The following BICD1 variants were observed in gnomAD, a reference collection of about 807,000 sequenced individuals.
BICD1 encodes the protein BICD cargo adaptor 1.
In BICD1, 35 loss-of-function variants were observed where a neutral mutation model predicts 92.5. The ratio of observed to expected loss-of-function variants is 0.38; its 90% confidence interval spans 0.29 to 0.50. The LOEUF (loss-of-function observed/expected upper bound fraction) is 0.50, where lower values mean the gene tolerates loss of function less well. Among genes scored for constraint, BICD1 ranks in the 20% least tolerant of loss-of-function variants. BICD1 has a pLI of 0.93. For missense variants in BICD1, 950 were observed against 1,189.8 expected (o/e 0.80, Z 2.97); for synonymous variants, 429 against 465.1 (o/e 0.92, Z 1.00).
chr12:32,291,057 G>C (rs1333365055), intron 2 of BICD1, among the ~76,000 whole-genome samples: 1 of 152,136 alleles, frequency 6.6e-6, no homozygotes, highest in Non-Finnish European at 1.5e-5. Context: ...TTTTGGAGTT[G>C]AATTTTTCAT....
chr12:32,381,410 T>A lies in BICD1; in HGVS notation c.*3783T>A, dbSNP rs1390249477. The A allele has an allele frequency of 6.6e-6, 1 of 152,144 alleles. No homozygotes were observed. The highest frequency in any genetic ancestry group is 1.5e-5 in the Non-Finnish European group (1 of 67,972). 9.4% of individuals were successfully genotyped at this position (152,144 alleles called of 1,614,324 possible). A position where few individuals can be genotyped will look rare whatever the true frequency, so the allele number is the denominator to read the frequency against. ...AAAAGGATCTTCAGTCTACAACATT[T>A]GCTTTTTTCGTGCTTTGGAAAATAT... On this transcript the variant is annotated 3_prime_UTR_variant, in exon 10 of 10. Transcript: ENST00000652176.
chr12:32,151,071 G>T (rs952047724), intron 1 of BICD1, among the ~76,000 whole-genome samples: 3 of 152,158 alleles, frequency 2.0e-5, no homozygotes, highest in Non-Finnish European at 2.9e-5. Flanking sequence ...ATGGTGGTGG[G>T]GTTGTTGGGA....
chr12:32,215,259 T>C (rs1361371175), intron 1 of BICD1, among the ~76,000 whole-genome samples: 1 of 152,072 alleles, frequency 6.6e-6, no homozygotes, highest in East Asian at 1.9e-4. Flanking sequence ...GAAAAGGCAT[T>C]TCAGAAAAGT....
intron 2 of BICD1, among the ~76,000 whole-genome samples, chr12:32,269,863 C>T (rs113858630): frequency 3.1e-4 from 47 of 152,126 alleles, no homozygotes; most frequent in Non-Finnish European, 3.2e-4. Flanking sequence ...AGCAGGGTGG[C>T]TCACGCTTGT....
rs573491032 is a variant in BICD1, at chr12:32,192,402, C to T, written c.214-23845C>T. 3.4e-5 allele frequency among the ~76,000 whole-genome samples: 5 copies of T among 147,676 alleles called. No homozygotes were observed. In the South Asian group the frequency reaches 1.0e-3, roughly 31 times the overall value. ...TGAGCTAAGATCGTGCCATTGCACT[C>T]CAGCCTGGGTGGCAGAGCGAGACTC... is the stretch of plus-strand genomic sequence containing the variant. On this transcript the variant is annotated intron_variant, in intron 1 of 9. Coordinates refer to ENST00000652176, the MANE Select transcript of BICD1 (RefSeq NM_001714.4).
At chr12:32,168,019 T>TGA (rs1474955873) in intron 1 of BICD1, among the ~76,000 whole-genome samples, 1 of 151,848 alleles carries the variant, frequency 6.6e-6, no homozygotes, top group Non-Finnish European at 1.5e-5. Context: ...TGTGTGTGTG[T>TGA]GTGTGTGTGT....
intron 1 of BICD1, among the ~76,000 whole-genome samples, chr12:32,202,839 GGGCTCAA>G (rs1335437218): frequency 6.6e-6 from 1 of 152,128 alleles, no homozygotes; most frequent in Non-Finnish European, 1.5e-5. Context: ...TTGAACACCT[GGGCTCAA>G]GAGATCTGCC....
chr12:32,374,824 T>A (rs2136343188), intron 9 of BICD1, among the ~76,000 whole-genome samples: 1 of 143,508 alleles, frequency 7.0e-6, no homozygotes. Flanking sequence ...CAACCACAGG[T>A]GATCCGCCTG....
At position 32,166,099 on chromosome 12, in the gene BICD1, T is replaced by C. The variant is rs139657313; in HGVS notation, c.214-50148T>C. Among the ~76,000 whole-genome samples the C allele has an allele frequency of 4.3e-4, 65 of 150,898 alleles. 3 individuals carry two copies. In the East Asian group the frequency reaches 4.7e-3, roughly 11 times the overall value. ...TCTCCCTGGGACATTTGGCAATGTC[T>C]GGAGACATTTATTTATTTATTTATT... On this transcript the variant is annotated intron_variant, in intron 1 of 9. Transcript: ENST00000652176.
chr12:32,112,600 A>G (rs528795821), intron 1 of BICD1, among the ~76,000 whole-genome samples: 52 of 152,286 alleles, frequency 3.4e-4, no homozygotes, highest in Admixed American at 1.2e-3. Flanking sequence ...TCCACCTGTA[A>G]TTATGGCTTT....
At chr12:32,345,946 C>G (rs1938546724) in intron 8 of BICD1, among the ~76,000 whole-genome samples, 1 of 152,006 alleles carries the variant, frequency 6.6e-6, no homozygotes, top group African/African-American at 2.4e-5. Flanking sequence ...CCCAGGAGTT[C>G]AAGACCAGCC....
At chr12:32,271,404 TG>T (rs897363558) in intron 2 of BICD1, among the ~76,000 whole-genome samples, 20 of 152,156 alleles carry the variant, frequency 1.3e-4, no homozygotes, top group African/African-American at 4.8e-4. Flanking sequence ...GGAGACTGAG[TG>T]GGGAGTGACA....
At position 32,223,907 on chromosome 12, in the gene BICD1, G is replaced by A. The variant is rs576338188; in HGVS notation, c.426+7448G>A. ...GAATGGCTGGTCAGTGGAGTAGTCA[G>A]AACACACATGTTTATGGGTTAAGTT... On this transcript the variant is annotated intron_variant, in intron 2 of 9. Transcript: ENST00000652176. Among the ~76,000 whole-genome samples, 5 of 152,254 alleles carry A rather than the reference G, an allele frequency of 3.3e-5. No homozygotes were observed. The East Asian group carries it at 9.6e-4, about 29-fold the overall frequency.
intron 1 of BICD1, among the ~76,000 whole-genome samples, chr12:32,164,661 T>G (rs1943702587): frequency 6.6e-6 from 1 of 152,162 alleles, no homozygotes; most frequent in South Asian, 2.1e-4. Flanking sequence ...TATCTTTTCC[T>G]TAGTTGTGAG....
At chr12:32,264,403 G>A (rs998727692) in intron 2 of BICD1, among the ~76,000 whole-genome samples, 4 of 152,264 alleles carry the variant, frequency 2.6e-5, no homozygotes, top group Non-Finnish European at 5.9e-5. Context: ...TTGGCTATAT[G>A]TTTACAATAC....
chr12:32,325,658 G>T (rs1948757878), intron 4 of BICD1, among the ~76,000 whole-genome samples: 1 of 152,010 alleles, frequency 6.6e-6, no homozygotes, highest in African/African-American at 2.4e-5. Flanking sequence ...TAATAAGCTA[G>T]TTTTAAAATA....
chr12:32,257,785 AT>A (rs1193784416), intron 2 of BICD1, among the ~76,000 whole-genome samples: 1 of 152,220 alleles, frequency 6.6e-6, no homozygotes, highest in East Asian at 1.9e-4. Flanking sequence ...TGGTTATACA[AT>A]GGAACCTTAT....
Position 32,159,211 on chromosome 12 carries a change from G to T in BICD1, c.213+51667G>T, listed in dbSNP as rs955298868. On this transcript the variant is annotated intron_variant, in intron 1 of 9. Coordinates refer to ENST00000652176, the MANE Select transcript of BICD1 (RefSeq NM_001714.4). The stretch of plus-strand genomic sequence containing the variant: ...GGCCTCCCAAAGTGCTGATTTACAG[G>T]CGTGAGCCACCGCACCTGGCTCATC... Among the ~76,000 whole-genome samples, 5 of 152,262 alleles carry T rather than the reference G, an allele frequency of 3.3e-5. No individual in the cohort carries two copies. In the South Asian group the frequency reaches 6.2e-4, roughly 19 times the overall value.
rs201395130 is a variant in BICD1 at position 32,294,068 on chromosome 12, G to C, written c.501G>C (p.Arg167=). 8.7e-6 allele frequency: 14 copies of C among 1,612,738 alleles called. No individual in the cohort carries two copies. The highest frequency in any genetic ancestry group is 2.7e-5 in the African/African-American group (2 of 74,852). ...GAGAATATAAGTTCCGGGAGGCACGGCTCCTTCAGGACTATACTGAATTGG... is the reference window on the plus strand; with the variant it reads ...GAGAATATAAGTTCCGGGAGGCACGCCTCCTTCAGGACTATACTGAATTGG... ...EIREYKFREA[R]LLQDYTELEE... The change falls in exon 3 of 10, where the codon CGG becomes CGC. Residue 167 remains arginine (R), a synonymous_variant. Transcript: ENST00000652176.
Sources: allele counts gnomAD v4.1 joint callset (sites outside exome capture counted in the v4.1 genomes callset), GRCh38; gene constraint gnomAD v4.1.1; transcripts MANE v1.5; gene names NCBI Gene and HGNC (gene_info 2026-07-23, HGNC 2026-07-21).